TRPS1: variants seen among roughly 807,000 people sequenced by gnomAD.
TRPS1 encodes zinc finger transcription factor Trps1.
A neutral mutation model predicts 101.2 loss-of-function variants in TRPS1; 6 were observed. The ratio of observed to expected loss-of-function variants is 0.06; its 90% confidence interval spans 0.03 to 0.12. The LOEUF is 0.12. Among genes scored for constraint, TRPS1 ranks in the 10% least tolerant of loss-of-function variants. The pLI is 1.00. For missense variants in TRPS1, 1,363 were observed against 1,567.0 expected (o/e 0.87, Z 2.20); for synonymous variants, 578 against 589.8 (o/e 0.98, Z 0.29).
intron 1 of TRPS1, among the ~76,000 whole-genome samples, chr8:115,648,098 G>T (rs1000108124): frequency 2.0e-5 from 3 of 152,068 alleles, no homozygotes; most frequent in African/African-American, 7.2e-5. Context: ...AAATCAAGGA[G>T]GGGTGGCAGC....
chr8:115,572,464 ATTG>A (rs1817227183), intron 5 of TRPS1, among the ~76,000 whole-genome samples: 4 of 149,618 alleles, frequency 2.7e-5, no homozygotes, highest in South Asian at 4.2e-4. Context: ...TTTTTTTGTT[ATTG>A]TTGTTGTTTT....
chr8:115,596,946 C>A (rs963747259), intron 4 of TRPS1, among the ~76,000 whole-genome samples: 3 of 151,798 alleles, frequency 2.0e-5, no homozygotes, highest in East Asian at 1.9e-4. Flanking sequence ...TTATAAGATT[C>A]ATTTATGTTG....
intron 5 of TRPS1, chr8:115,511,299 T>C (rs1055077325): frequency 2.0e-5 from 3 of 151,890 alleles, no homozygotes; most frequent in Non-Finnish European, 4.4e-5. Context: ...TGCTGAGAAA[T>C]ATTTTTCTCA....
chr8:115,614,195 G>T (rs1300168027), intron 3 of TRPS1, among the ~76,000 whole-genome samples: 1 of 152,184 alleles, frequency 6.6e-6, no homozygotes, highest in African/African-American at 2.4e-5. Flanking sequence ...ACTTGAGATG[G>T]TTAGCAGAGC....
At chr8:115,486,777 A>G (rs1025204420) in intron 5 of TRPS1, among the ~76,000 whole-genome samples, 1 of 152,234 alleles carries the variant, frequency 6.6e-6, no homozygotes, top group Non-Finnish European at 1.5e-5. Flanking sequence ...CTGCAGAAGA[A>G]AAATCTTAAT....
chr8:115,621,784 T>C lies in TRPS1; in HGVS notation c.38-1724A>G, dbSNP rs938116321. On this transcript the variant is annotated intron_variant, in intron 2 of 6. Coordinates refer to ENST00000395715, the MANE Select transcript of TRPS1 (RefSeq NM_014112.5). ...TACAAAAATTAGCTGGGTGTGGTGG[T>C]GCATGCCTGTAATCCCAGCTACTAG... Among the ~76,000 whole-genome samples, 23 of 151,508 alleles carry C rather than the reference T, an allele frequency of 1.5e-4. 1 individual carries two copies. Among genetic ancestry groups the C allele is most frequent in the South Asian group, 8.3e-4 (4 of 4,800 alleles).
intron 5 of TRPS1, among the ~76,000 whole-genome samples, chr8:115,475,706 TACC>T (rs1814587955): frequency 6.6e-6 from 1 of 152,192 alleles, no homozygotes; most frequent in African/African-American, 2.4e-5. Flanking sequence ...TACAATTTAA[TACC>T]AGGAATGTAT....
chr8:115,489,295 C>G (rs1814963460), intron 5 of TRPS1, among the ~76,000 whole-genome samples: 1 of 152,096 alleles, frequency 6.6e-6, no homozygotes, highest in Non-Finnish European at 1.5e-5. Context: ...CCCATTATAC[C>G]AAACCAAAAC....
chr8:115,476,832 T>C (rs1252417209), intron 5 of TRPS1, among the ~76,000 whole-genome samples: 1 of 152,218 alleles, frequency 6.6e-6, no homozygotes, highest in Non-Finnish European at 1.5e-5. Context: ...ACCATGCTTT[T>C]GATTTCCAAA....
chr8:115,665,441 G>A (rs943921417), intron 1 of TRPS1, among the ~76,000 whole-genome samples: 3 of 152,104 alleles, frequency 2.0e-5, no homozygotes, highest in Non-Finnish European at 4.4e-5. Flanking sequence ...CTTTTCTACA[G>A]ATGCATGCAT....
At chr8:115,576,108 C>G (rs1817311845) in intron 5 of TRPS1, among the ~76,000 whole-genome samples, 1 of 152,012 alleles carries the variant, frequency 6.6e-6, no homozygotes, top group Non-Finnish European at 1.5e-5. Flanking sequence ...TCAGCAGCCC[C>G]TTGACATGAT....
intron 5 of TRPS1, among the ~76,000 whole-genome samples, chr8:115,563,751 T>C (rs1354568519): frequency 6.6e-6 from 1 of 152,086 alleles, no homozygotes. Flanking sequence ...GCTGTCATAA[T>C]GCTTAAACTC....
chr8:115,606,236 G>C (rs1420330102), intron 3 of TRPS1, among the ~76,000 whole-genome samples: 1 of 152,158 alleles, frequency 6.6e-6, no homozygotes, highest in Non-Finnish European at 1.5e-5. Flanking sequence ...TGAGAGATAT[G>C]TTTGTACCTC....
At chr8:115,617,270 T>C (rs571705467) in intron 3 of TRPS1, among the ~76,000 whole-genome samples, 2 of 152,362 alleles carry the variant, frequency 1.3e-5, no homozygotes, top group Non-Finnish European at 2.9e-5. Context: ...CGGTGTGTGC[T>C]GCAAGGATTT....
intron 5 of TRPS1, among the ~76,000 whole-genome samples, chr8:115,461,153 T>C (rs1168723917): frequency 6.6e-6 from 1 of 152,170 alleles, no homozygotes; most frequent in East Asian, 1.9e-4. Flanking sequence ...ATCATACAAA[T>C]GTTATTTATT....
In TRPS1 at chr8:115,453,702, G is replaced by A. The variant is rs111684061; in HGVS notation, c.2701-35250C>T. Among the ~76,000 whole-genome samples, 1,163 of 152,312 alleles carry A rather than the reference G, an allele frequency of 7.6e-3. 14 individuals carry two copies. Among genetic ancestry groups the A allele is most frequent in the Non-Finnish European group, 0.01 (709 of 68,026 alleles). ...ATGGTTTCCGAAACACCTTCAAAGA[G>A]TCATGCATCTACTGCAGCACCAGTT... is the stretch of plus-strand genomic sequence containing the variant. On this transcript the variant is annotated intron_variant, in intron 5 of 6. Coordinates refer to ENST00000395715, the MANE Select transcript of TRPS1 (RefSeq NM_014112.5).
intron 5 of TRPS1, among the ~76,000 whole-genome samples, chr8:115,502,930 C>T (rs1447380089): frequency 6.6e-6 from 1 of 152,152 alleles, no homozygotes; most frequent in Non-Finnish European, 1.5e-5. Context: ...ATAAGCCCTA[C>T]TTGATGGTGT....
intron 5 of TRPS1, among the ~76,000 whole-genome samples, chr8:115,576,654 A>T (rs988074053): frequency 2.6e-5 from 4 of 152,184 alleles, no homozygotes; most frequent in African/African-American, 9.6e-5. Context: ...AAGAAAAAAT[A>T]ACATCTAATT....
At chr8:115,420,986 TTC>T (rs928328009) in intron 5 of TRPS1, among the ~76,000 whole-genome samples, 1 of 151,342 alleles carries the variant, frequency 6.6e-6, no homozygotes, top group Non-Finnish European at 1.5e-5. Flanking sequence ...GCTACTGTGA[TTC>T]TTTTTTTTTT....
Sources: allele counts gnomAD v4.1 joint callset (sites outside exome capture counted in the v4.1 genomes callset), GRCh38; gene constraint gnomAD v4.1.1; transcripts MANE v1.5; gene names NCBI Gene and HGNC (gene_info 2026-07-23, HGNC 2026-07-21).